Variants in ALKBH8 observed in about 807,000 individuals in gnomAD.
ALKBH8 encodes the protein tRNA (carboxymethyluridine(34)-5-O)-methyltransferase ALKBH8.
Under a neutral mutation model 59.8 loss-of-function variants are expected in ALKBH8, and 36 were observed. The ratio of observed to expected loss-of-function variants is 0.60; its 90% CI spans 0.46 to 0.79. ALKBH8 has a LOEUF of 0.79. Ranked by LOEUF, ALKBH8 falls within the 30% of genes least tolerant of loss-of-function variation. ALKBH8 has a pLI of 0.00. For missense variants in ALKBH8, 768 were observed against 801.0 expected, an observed-to-expected ratio of 0.96 and a Z score of 0.50; for synonymous variants, 276 against 273.6, an observed-to-expected ratio of 1.01 and a Z score of -0.09.
At chr11:107,560,664 C>T in intron 2 of ALKBH8, 101 bp downstream of exon 2, 1 of 1,171,568 alleles carries the variant, frequency 8.5e-7, no homozygotes, top group Non-Finnish European at 1.2e-6. Flanking sequence ...TAACACATGA[C>T]TGAACAATTA....
chr11:107,565,448 C>T, intron 1 of ALKBH8, 153 bp downstream of exon 1: 4 of 1,022,634 alleles, frequency 3.9e-6, no homozygotes, highest in Admixed American at 2.2e-5. Flanking sequence ...CACCCTACTG[C>T]CCACACTGCA....
At chr11:107,521,802 C>T (rs551863180) in intron 10 of ALKBH8, among the ~76,000 whole-genome samples, 2 of 151,902 alleles carry the variant, frequency 1.3e-5, no homozygotes, top group East Asian at 1.9e-4. Flanking sequence ...AGTAAGATAC[C>T]AATAAATAGA....
intron 6 of ALKBH8, 63 bp from the exon 7 acceptor site, chr11:107,549,886 A>ACATT: frequency 2.5e-6 from 3 of 1,179,956 alleles, no homozygotes; most frequent in Non-Finnish European, 3.7e-6. Context: ...TAAGATGGCT[A>ACATT]TAAATGTAGC....
At chr11:107,549,132 T>C (rs989390061) in intron 7 of ALKBH8, among the ~76,000 whole-genome samples, 3 of 152,194 alleles carry the variant, frequency 2.0e-5, no homozygotes, top group Non-Finnish European at 4.4e-5. Context: ...ATTACAGGCA[T>C]AAGCCACCGC....
intron 1 of ALKBH8, among the ~76,000 whole-genome samples, chr11:107,564,038 C>A (rs949990737): frequency 6.6e-6 from 1 of 152,156 alleles, no homozygotes; most frequent in Non-Finnish European, 1.5e-5. Context: ...TCTGACAAAG[C>A]CACTTCCCTG....
intron 10 of ALKBH8, among the ~76,000 whole-genome samples, chr11:107,512,980 A>G (rs1019383673): frequency 3.3e-5 from 5 of 152,210 alleles, no homozygotes; most frequent in Admixed American, 2.0e-4. Flanking sequence ...CATTCTGGAC[A>G]TAGGCTCTGG....
At chr11:107,565,012 C>G (rs1865074926) in intron 1 of ALKBH8, 1 of 152,908 alleles carries the variant, frequency 6.5e-6, no homozygotes, top group East Asian at 1.9e-4. Flanking sequence ...ACCTCTATCT[C>G]TAGAGTTCTC....
At chr11:107,523,167 T>G (rs1235676812) in intron 9 of ALKBH8, among the ~76,000 whole-genome samples, 1 of 152,158 alleles carries the variant, frequency 6.6e-6, no homozygotes, top group Non-Finnish European at 1.5e-5. Context: ...CACTCACATG[T>G]TTACTGCAAC....
chr11:107,524,734 T>C (rs1227994892), intron 9 of ALKBH8, among the ~76,000 whole-genome samples: 6 of 152,176 alleles, frequency 3.9e-5, no homozygotes, highest in Non-Finnish European at 8.8e-5. Flanking sequence ...GTAAGAGTTT[T>C]TAATTAAATG....
At chr11:107,525,846 C>A (rs952772987) in intron 8 of ALKBH8, among the ~76,000 whole-genome samples, 1 of 151,336 alleles carries the variant, frequency 6.6e-6, no homozygotes, top group Non-Finnish European at 1.5e-5. Flanking sequence ...TTAATTAACA[C>A]CAATTCTAAA....
intron 5 of ALKBH8, among the ~76,000 whole-genome samples, chr11:107,552,790 A>G (rs1864550142): frequency 6.6e-6 from 1 of 152,178 alleles, no homozygotes; most frequent in Non-Finnish European, 1.5e-5. Context: ...TCACAGCAGC[A>G]TTACTTATGA....
intron 7 of ALKBH8, among the ~76,000 whole-genome samples, chr11:107,541,234 A>G (rs886795580): frequency 6.6e-6 from 1 of 152,192 alleles, no homozygotes; most frequent in Non-Finnish European, 1.5e-5. Flanking sequence ...AAGCCATAGT[A>G]GCTACTATTC....
intron 1 of ALKBH8, 32 bp from the exon 2 acceptor site, chr11:107,560,931 C>A: frequency 6.4e-7 from 1 of 1,569,690 alleles, no homozygotes; most frequent in Non-Finnish European, 8.7e-7. Context: ...AAAAAGTCAA[C>A]CTTAAGAGTC....
Position 107,504,605 on chromosome 11 carries a change from T to C in ALKBH8, c.*53A>G. 1 of 1,416,748 alleles carries C rather than the reference T, an allele frequency of 7.1e-7. No individual in the cohort carries two copies. The highest frequency in any genetic ancestry group is 9.6e-7 in the Non-Finnish European group (1 of 1,043,434). The allele number at this position is 1,416,748 out of a possible 1,614,324, so 87.8% of individuals were successfully genotyped here. A position where few individuals can be genotyped will look rare whatever the true frequency, so the allele number is the denominator to read the frequency against. ...AAAAGGGTAATTAATTTATTCTCTC[T>C]TTTTTTTTAAGTGAGCATTTCTTCT... On this transcript the variant is annotated 3_prime_UTR_variant, in exon 12 of 12. Coordinates refer to ENST00000428149, the MANE Select transcript of ALKBH8 (RefSeq NM_138775.3).
intron 2 of ALKBH8, among the ~76,000 whole-genome samples, chr11:107,557,477 A>T (rs1864765032): frequency 6.6e-6 from 1 of 152,192 alleles, no homozygotes; most frequent in South Asian, 2.1e-4. Flanking sequence ...AAGATCTGAC[A>T]AATTAGGTTA....
intron 7 of ALKBH8, among the ~76,000 whole-genome samples, chr11:107,532,679 A>C (rs780516287): frequency 6.6e-6 from 1 of 152,158 alleles, no homozygotes; most frequent in Non-Finnish European, 1.5e-5. Context: ...ACCCCAAGAA[A>C]TTATGAAGCA....
At position 107,565,709 on chromosome 11, in the gene ALKBH8, C is replaced by T. The variant is rs913567380; in HGVS notation, c.-115G>A. On this transcript the variant is annotated 5_prime_UTR_variant, in exon 1 of 12. Transcript: ENST00000428149. ...AGCGGATACTTGCACGCCATCTCCCCTGGGCGCGGCCATGTTGGAGAAAAC... is the reference window on the plus strand; with the variant it reads ...AGCGGATACTTGCACGCCATCTCCCTTGGGCGCGGCCATGTTGGAGAAAAC... 6.5e-7 allele frequency: 1 copy of T among 1,529,604 alleles called. No homozygotes were observed. The highest frequency in any genetic ancestry group is 8.8e-7 in the Non-Finnish European group (1 of 1,141,368). 94.8% of individuals were successfully genotyped at this position (1,529,604 alleles called of 1,614,324 possible).
chr11:107,541,433 G>T (rs1255217660), intron 7 of ALKBH8, among the ~76,000 whole-genome samples: 3 of 152,148 alleles, frequency 2.0e-5, no homozygotes, highest in African/African-American at 7.2e-5. Context: ...AACATCCCAG[G>T]ATCTGAAACC....
At chr11:107,553,017 G>T in intron 5 of ALKBH8, 91 bp downstream of exon 5, 2 of 739,528 alleles carry the variant, frequency 2.7e-6, no homozygotes, top group Non-Finnish European at 2.1e-6. Flanking sequence ...ATCTACAAAT[G>T]ACAAAAGAAA....
Sources: gnomAD v4.1 joint callset for allele counts (sites outside exome capture counted in the v4.1 genomes callset) on GRCh38, gnomAD v4.1.1 for gene constraint, MANE v1.5 for transcripts, NCBI Gene and HGNC (gene_info 2026-07-23, HGNC 2026-07-21) for gene names.